OXCT1: variants seen among roughly 807,000 people sequenced by gnomAD.
OXCT1 encodes the protein succinyl-CoA:3-ketoacid coenzyme A transferase 1, mitochondrial.
A neutral mutation model predicts 69.6 loss-of-function variants in OXCT1; 27 were observed. That is an observed-to-expected ratio of 0.39 (90% CI 0.29 to 0.54). OXCT1 has a LOEUF of 0.54. Among genes scored for constraint, OXCT1 ranks in the 20% least tolerant of loss-of-function variants. OXCT1 has a pLI of 0.72. For synonymous variants in OXCT1, 202 were observed against 217.8 expected (o/e 0.93, Z 0.64); for missense variants, 437 against 650.2 (o/e 0.67, Z 3.57).
At chr5:41,846,502 G>A (rs1579866764) in intron 5 of OXCT1, among the ~76,000 whole-genome samples, 1 of 149,198 alleles carries the variant, frequency 6.7e-6, no homozygotes, top group Non-Finnish European at 1.5e-5. Context: ...TGGTGTATAT[G>A]TGCCACATTT....
rs7728678 is a variant in OXCT1, at chr5:41,870,229, G to T, written c.78+52C>A. 1.7e-3 allele frequency: 2,348 copies of T among 1,422,326 alleles called. 29 individuals are homozygous for T. In the African/African-American group the frequency reaches 0.029, roughly 18 times the overall value. 88.1% of individuals were successfully genotyped at this position (1,422,326 alleles called of 1,614,324 possible). A position where few individuals can be genotyped will look rare whatever the true frequency, so the allele number is the denominator to read the frequency against. On this transcript the variant is annotated intron_variant, in intron 1 of 16. Coordinates refer to ENST00000196371, the MANE Select transcript of OXCT1 (RefSeq NM_000436.4). The surrounding 1 kb of genome is among the most constrained non-coding windows in gnomAD (Gnocchi z 4.2). ...GAAGAAAACGCGGGCACCACTCAGG[G>T]TTTGGTCCACGTTCTTCCTGCCCAT...
intron 7 of OXCT1, among the ~76,000 whole-genome samples, chr5:41,822,885 T>G (rs1258265376): frequency 6.6e-6 from 1 of 152,258 alleles, no homozygotes; most frequent in Non-Finnish European, 1.5e-5. Flanking sequence ...TGAGTCTTGT[T>G]TTTAATCCAC....
At chr5:41,802,233 G>A (rs912661315) in intron 10 of OXCT1, among the ~76,000 whole-genome samples, 6 of 151,838 alleles carry the variant, frequency 4.0e-5, no homozygotes, top group Admixed American at 2.0e-4. Context: ...TCAACTATAC[G>A]CTCAGGATCA....
At chr5:41,736,885 GC>G (rs1742910591) in intron 16 of OXCT1, among the ~76,000 whole-genome samples, 1 of 152,200 alleles carries the variant, frequency 6.6e-6, no homozygotes, top group South Asian at 2.1e-4. Context: ...GGAGTACAAT[GC>G]TAGCTATGCA....
intron 14 of OXCT1, among the ~76,000 whole-genome samples, chr5:41,756,656 G>A (rs1412510145): frequency 1.3e-5 from 2 of 152,048 alleles, no homozygotes; most frequent in East Asian, 1.9e-4. Context: ...TATTCTACTC[G>A]GTGCTTATAA....
intron 3 of OXCT1, among the ~76,000 whole-genome samples, chr5:41,854,653 C>T (rs555586857): frequency 5.3e-5 from 8 of 151,014 alleles, no homozygotes; most frequent in East Asian, 1.9e-4. Context: ...CTTTTAATGG[C>T]GAAATATTTT....
At chr5:41,794,813 C>G in intron 11 of OXCT1, 64 bp from the exon 12 acceptor site, 1 of 1,528,786 alleles carries the variant, frequency 6.5e-7, no homozygotes, top group Non-Finnish European at 9.0e-7. Flanking sequence ...TCATGGTGAA[C>G]AGAGGTCCAC....
chr5:41,761,102 A>T (rs567048907), intron 14 of OXCT1, among the ~76,000 whole-genome samples: 6 of 152,264 alleles, frequency 3.9e-5, no homozygotes, highest in African/African-American at 1.2e-4. Flanking sequence ...GAGAAGGCAA[A>T]GAAGATGAAG....
intron 13 of OXCT1, among the ~76,000 whole-genome samples, chr5:41,774,368 G>C (rs1158439930): frequency 6.6e-6 from 1 of 152,182 alleles, no homozygotes; most frequent in Non-Finnish European, 1.5e-5. Flanking sequence ...GTAGCAACAA[G>C]CACACCTAGC....
At chr5:41,773,412 G>C (rs1184017758) in intron 13 of OXCT1, among the ~76,000 whole-genome samples, 1 of 113,332 alleles carries the variant, frequency 8.8e-6, no homozygotes, top group African/African-American at 3.3e-5. Flanking sequence ...CTGTCTCTAC[G>C]AAAAAAAAAA....
chr5:41,855,985 T>C (rs897047624), intron 3 of OXCT1, among the ~76,000 whole-genome samples: 2 of 152,116 alleles, frequency 1.3e-5, no homozygotes, highest in African/African-American at 4.8e-5. Flanking sequence ...GGAAACTACA[T>C]GTTCAGTGTT....
chr5:41,737,565 T>C (rs955059782), intron 16 of OXCT1, among the ~76,000 whole-genome samples: 5 of 152,220 alleles, frequency 3.3e-5, no homozygotes, highest in African/African-American at 1.2e-4. Context: ...AAATCCTAAA[T>C]AGTTAAAGTA....
Position 41,762,732 on chromosome 5 carries a change from C to T in OXCT1, c.1249-532G>A, listed in dbSNP as rs1292147391. On this transcript the variant is annotated intron_variant, in intron 13 of 16. Coordinates refer to ENST00000196371, the MANE Select transcript of OXCT1 (RefSeq NM_000436.4). This position sits in a 1 kb window ranked among gnomAD's most constrained non-coding sequence, Gnocchi z 4.0. ...TGTCTTTCTAACACTTGGCATTTATCTTGCGCTTAGAAAAATAAAATAAAA... is the reference window on the plus strand; with the variant it reads ...TGTCTTTCTAACACTTGGCATTTATTTTGCGCTTAGAAAAATAAAATAAAA... Among the ~76,000 whole-genome samples, 1 of 152,076 alleles carries T rather than the reference C, an allele frequency of 6.6e-6. No individual in the cohort carries two copies.
Position 41,870,346 on chromosome 5 carries a change from T to G in OXCT1, c.13A>C (p.Lys5Gln). 1 of 1,613,514 alleles carries G rather than the reference T, an allele frequency of 6.2e-7. No individual in the cohort carries two copies. The highest frequency in any genetic ancestry group is 8.5e-7 in the Non-Finnish European group (1 of 1,179,816). Residue 5 changes from lysine to glutamine, a missense_variant, in exon 1 of 17, where the codon AAA (lysine) becomes CAA (glutamine). Around this residue, in one of 4 missense-constraint regions of OXCT1, gnomAD observed 79 missense variants for 61.5 expected, o/e 1.28. Coordinates refer to ENST00000196371, the MANE Select transcript of OXCT1 (RefSeq NM_000436.4). This position sits in a 1 kb window ranked among gnomAD's most constrained non-coding sequence, Gnocchi z 4.2. ...AGCCGAAGCCCGGAGGAGAGGAGTT[T>G]GAGAGCCGCCATCTTCGGGCGGTGA... MAAL[K>Q]LLSSGLRLCA...
chr5:41,842,221 A>G (rs1411958111), intron 6 of OXCT1, among the ~76,000 whole-genome samples: 1 of 152,202 alleles, frequency 6.6e-6, no homozygotes, highest in Non-Finnish European at 1.5e-5. Flanking sequence ...CTTTGTAAGC[A>G]TTTCCTAGAA....
intron 1 of OXCT1, among the ~76,000 whole-genome samples, chr5:41,869,631 G>A (rs546367384): frequency 3.3e-4 from 51 of 152,316 alleles, no homozygotes; most frequent in African/African-American, 1.2e-3. Context: ...CCCAGGCGCG[G>A]GCCAGGGACA....
At chr5:41,760,679 T>G (rs539850043) in intron 14 of OXCT1, among the ~76,000 whole-genome samples, 3 of 152,284 alleles carry the variant, frequency 2.0e-5, no homozygotes, top group South Asian at 4.1e-4. Flanking sequence ...GACATTATTT[T>G]CCAGAAAAGA....
At chr5:41,859,556 T>A (rs534398454) in intron 3 of OXCT1, among the ~76,000 whole-genome samples, 1 of 152,180 alleles carries the variant, frequency 6.6e-6, no homozygotes, top group African/African-American at 2.4e-5. Context: ...AGGACTTCTG[T>A]AGTTACATGA....
intron 16 of OXCT1, among the ~76,000 whole-genome samples, chr5:41,737,299 A>G (rs973410896): frequency 1.3e-5 from 2 of 152,244 alleles, no homozygotes; most frequent in African/African-American, 4.8e-5. Flanking sequence ...GAGGGTCTAC[A>G]GAGATATTTT....
Sources: gnomAD v4.1 joint callset for allele counts (sites outside exome capture counted in the v4.1 genomes callset) on GRCh38, gnomAD v4.1.1 for gene constraint, gnomAD v4.1.1 regional missense constraint, Gnocchi (gnomAD v3.1) non-coding constraint, MANE v1.5 for transcripts, NCBI Gene and HGNC (gene_info 2026-07-23, HGNC 2026-07-21) for gene names.